USP10: variants seen among roughly 807,000 people sequenced by gnomAD.
USP10 encodes ubiquitin specific peptidase 10.
A neutral mutation model predicts 84.5 loss-of-function variants in USP10; 22 were observed. The observed-to-expected ratio is 0.26, with a 90% CI of 0.19 to 0.37. The LOEUF (loss-of-function observed/expected upper bound fraction) is 0.37. USP10 is among the 10% of genes least tolerant of loss of function. The pLI, the probability that USP10 is intolerant of heterozygous loss-of-function variation, is 1.00. For synonymous variants in USP10, 454 were observed against 387.6 expected (o/e 1.17, Z -2.01); for missense variants, 1,019 against 998.9 (o/e 1.02, Z -0.27).
chr16:84,740,514 T>G (rs4510001), intron 3 of USP10, 145 bp downstream of exon 3: 2 of 617,554 alleles, frequency 3.2e-6, no homozygotes, highest in Admixed American at 3.3e-5. Context: ...TGTATTTAAT[T>G]GCTGAATCAC....
chr16:84,747,554 ATTTTTTTTTTT>A (rs71151244), intron 4 of USP10, among the ~76,000 whole-genome samples: 3 of 72,990 alleles, frequency 4.1e-5, no homozygotes, highest in Admixed American at 2.2e-4. Flanking sequence ...AAGCCAGGTG[ATTTTTTTTTTT>A]TTTTTTTTTT....
chr16:84,765,718 G>A lies in USP10; in HGVS notation c.1832+1455G>A, dbSNP rs2150861002. 2.0e-5 allele frequency among the ~76,000 whole-genome samples: 3 copies of A among 152,218 alleles called. 1 individual carries two copies. ...CTGTCTTGGCTGTTGTGAACTGATTGGAAGCAGGTGAGGTAGAAAGTGAAG... is the reference window on the plus strand; with the variant it reads ...CTGTCTTGGCTGTTGTGAACTGATTAGAAGCAGGTGAGGTAGAAAGTGAAG... On this transcript the variant is annotated intron_variant, in intron 10 of 13. Coordinates refer to ENST00000219473, the MANE Select transcript of USP10 (RefSeq NM_005153.3).
At chr16:84,752,877 G>T (rs1912097412) in intron 4 of USP10, among the ~76,000 whole-genome samples, 1 of 152,110 alleles carries the variant, frequency 6.6e-6, no homozygotes, top group Non-Finnish European at 1.5e-5. Context: ...TTGAGTGTTT[G>T]GATCTTAAGA....
chr16:84,756,662 G>A (rs1052620158), intron 4 of USP10, among the ~76,000 whole-genome samples: 2 of 152,054 alleles, frequency 1.3e-5, no homozygotes, highest in African/African-American at 4.8e-5. Context: ...AAAAAAAAAA[G>A]TCATTTGATA....
At chr16:84,728,317 A>G (rs552286155) in intron 1 of USP10, among the ~76,000 whole-genome samples, 2 of 152,022 alleles carry the variant, frequency 1.3e-5, no homozygotes, top group East Asian at 1.9e-4. Context: ...TAAATTGAAT[A>G]AATAATTGAA....
chr16:84,738,626 C>T (rs534317768), intron 2 of USP10, among the ~76,000 whole-genome samples: 2 of 152,296 alleles, frequency 1.3e-5, no homozygotes, highest in South Asian at 4.1e-4. Context: ...ATGCTTTCTT[C>T]TGGGTGTCAA....
intron 1 of USP10, among the ~76,000 whole-genome samples, chr16:84,704,059 G>T (rs1178681585): frequency 2.0e-5 from 3 of 152,252 alleles, no homozygotes; most frequent in Non-Finnish European, 4.4e-5. Context: ...AGCCTAAGCG[G>T]CACGTTGCAC....
chr16:84,758,020 T>G (rs989531610), intron 4 of USP10, among the ~76,000 whole-genome samples: 6 of 152,232 alleles, frequency 3.9e-5, no homozygotes, highest in Non-Finnish European at 7.3e-5. Flanking sequence ...TGATGGTTAA[T>G]TCTATAAAGA....
intron 1 of USP10, among the ~76,000 whole-genome samples, chr16:84,712,836 C>T (rs1163095194): frequency 6.6e-6 from 1 of 152,120 alleles, no homozygotes; most frequent in Non-Finnish European, 1.5e-5. Flanking sequence ...TGGTTTTATT[C>T]CTTGGTCTCT....
chr16:84,724,192 T>G (rs1172619963), intron 1 of USP10, among the ~76,000 whole-genome samples: 3 of 152,200 alleles, frequency 2.0e-5, no homozygotes. Flanking sequence ...TAAAATTTAA[T>G]GGCCATTTTG....
intron 1 of USP10, among the ~76,000 whole-genome samples, chr16:84,715,576 T>G (rs2150769510): frequency 6.6e-6 from 1 of 152,340 alleles, no homozygotes; most frequent in Non-Finnish European, 1.5e-5. Context: ...TGGTCACTGC[T>G]GCCCAACTAT....
chr16:84,706,785 C>A (rs1048652020), intron 1 of USP10, among the ~76,000 whole-genome samples: 1 of 151,992 alleles, frequency 6.6e-6, no homozygotes, highest in Non-Finnish European at 1.5e-5. Flanking sequence ...CGGGATCTGC[C>A]CACCTCGGCC....
rs759421675 is a variant in USP10 at position 84,745,191 on chromosome 16, G to A, written c.710G>A (p.Arg237Lys). The A allele has an allele frequency of 6.8e-6, 11 of 1,613,254 alleles. No individual in the cohort carries two copies. The highest frequency in any genetic ancestry group is 8.5e-6 in the Non-Finnish European group (10 of 1,179,644). Residue 237 changes from arginine (R) to lysine (K), a missense_variant, in exon 4 of 14, where the codon AGG (arginine) becomes AAG (lysine). Coordinates refer to ENST00000219473, the MANE Select transcript of USP10 (RefSeq NM_005153.3). ...CCCGGAGCACTCGGCAGTGACACCA[G>A]GACTGCAGGGCAGCCAGAGGGGGGC... ...PFPGALGSDTRTAGQPEGGPG... is the reference protein window; with the variant it reads ...PFPGALGSDTKTAGQPEGGPG...
chr16:84,720,335 G>A (rs1907617313), intron 1 of USP10, among the ~76,000 whole-genome samples: 1 of 152,172 alleles, frequency 6.6e-6, no homozygotes, highest in African/African-American at 2.4e-5. Context: ...AGAACAGATG[G>A]CACTTACAAG....
intron 5 of USP10, 134 bp from the exon 6 acceptor site, chr16:84,759,229 G>A (rs372782185): frequency 3.2e-5 from 25 of 770,376 alleles, no homozygotes; most frequent in African/African-American, 1.2e-4. Context: ...ATTCCTTTTC[G>A]TGGTGACATA....
Position 84,768,283 on chromosome 16 carries a change from C to T in USP10, c.1923C>T (p.Arg641=). ...LQLDIQSDKI[R]TVQDALESLV... is the part of the protein sequence containing the mutation. The stretch of plus-strand genomic sequence containing the variant: ...TGGATATCCAGTCAGACAAGATACG[C>T]ACAGTCCAGGATGCACTGGAGAGCT... Residue 641 remains arginine (R), a synonymous_variant, in exon 11 of 14, where the codon CGC becomes CGT. Coordinates refer to ENST00000219473, the MANE Select transcript of USP10 (RefSeq NM_005153.3). 1 of 1,608,548 alleles carries T rather than the reference C, an allele frequency of 6.2e-7. No individual in the cohort carries two copies. The highest frequency in any genetic ancestry group is 1.7e-4 in the Middle Eastern group (1 of 6,060).
intron 13 of USP10, among the ~76,000 whole-genome samples, chr16:84,776,210 G>C (rs955702119): frequency 6.6e-6 from 1 of 152,196 alleles, no homozygotes; most frequent in South Asian, 2.1e-4. Flanking sequence ...GCAGAGCAGG[G>C]CTTCAAGCTC....
intron 1 of USP10, among the ~76,000 whole-genome samples, chr16:84,719,384 C>T (rs558788387): frequency 7.9e-5 from 12 of 152,322 alleles, no homozygotes; most frequent in Admixed American, 5.2e-4. Context: ...TGCCCCTACA[C>T]AGTGATTCTA....
rs9934055 is a variant in USP10, at chr16:84,775,266, T to C, written c.2209+41T>C. 4.8e-4 allele frequency: 771 copies of C among 1,592,634 alleles called. No homozygotes were observed. In the African/African-American group the frequency reaches 9.3e-3, roughly 19 times the overall value. Reference sequence around the variant, plus strand: ...CGACATTACTTCTTCATTAAAACACTGATGAAGGGGTTTACAGCTGGGCAC... The same window carrying C: ...CGACATTACTTCTTCATTAAAACACCGATGAAGGGGTTTACAGCTGGGCAC... On this transcript the variant is annotated intron_variant, in intron 13 of 13. Transcript: ENST00000219473.
Sources: allele counts gnomAD v4.1 joint callset (sites outside exome capture counted in the v4.1 genomes callset), GRCh38; gene constraint gnomAD v4.1.1; transcripts MANE v1.5; gene names NCBI Gene and HGNC (gene_info 2026-07-23, HGNC 2026-07-21).